The following ZNF541 variants were observed in gnomAD, a reference collection of about 807,000 sequenced individuals.
The protein encoded by ZNF541 is zinc finger protein 541.
In ZNF541, 23 loss-of-function variants were observed where a neutral mutation model predicts 123.5. That is an observed-to-expected ratio of 0.19 (90% CI 0.13 to 0.26). The LOEUF (loss-of-function observed/expected upper bound fraction) is 0.26, where lower values mean the gene tolerates loss of function less well. ZNF541 is among the 10% of genes least tolerant of loss of function. ZNF541 has a pLI of 1.00. For missense variants in ZNF541, 1,612 were observed against 1,789.9 expected, an observed-to-expected ratio of 0.90 and a Z score of 1.79; for synonymous variants, 751 against 754.5, an observed-to-expected ratio of 1.00 and a Z score of 0.08.
At chr19:47,535,242 C>T (rs1032818159) in intron 9 of ZNF541, among the ~76,000 whole-genome samples, 8 of 152,086 alleles carry the variant, frequency 5.3e-5, no homozygotes, top group South Asian at 4.1e-4. Context: ...CGTGAGCCAC[C>T]GCACCTGGAC....
chr19:47,531,983 G>T, intron 11 of ZNF541, 145 bp downstream of exon 11: 2 of 1,164,020 alleles, frequency 1.7e-6, no homozygotes, highest in Non-Finnish European at 2.4e-6. Flanking sequence ...AAGAAGCAAC[G>T]CTGGCCAAGA....
intron 7 of ZNF541, 70 bp downstream of exon 7, chr19:47,540,106 A>C (rs1970013331): frequency 6.7e-7 from 1 of 1,487,776 alleles, no homozygotes; most frequent in East Asian, 2.5e-5. Flanking sequence ...AAGTGACACC[A>C]ATCTCGTTTA....
At chr19:47,533,080 A>C in intron 9 of ZNF541, 108 bp from the exon 10 acceptor site, 2 of 1,078,872 alleles carry the variant, frequency 1.9e-6, no homozygotes, top group Non-Finnish European at 2.6e-6. Context: ...TTAAGATCCC[A>C]TGGGTTGGCC....
chr19:47,553,814 A>G (rs1298696987), intron 3 of ZNF541, among the ~76,000 whole-genome samples: 2 of 152,234 alleles, frequency 1.3e-5, no homozygotes, highest in East Asian at 3.8e-4. Context: ...TACTAGGATT[A>G]TAGGCATGAG....
chr19:47,546,206 T>TAAA (rs113946046), intron 4 of ZNF541, among the ~76,000 whole-genome samples: 14,353 of 125,586 alleles, frequency 0.11, 1,471 homozygotes, highest in African/African-American at 0.27. Flanking sequence ...TACAGAAAAG[T>TAAA]AAAAAAAAAA....
intron 14 of ZNF541, among the ~76,000 whole-genome samples, chr19:47,528,508 G>C (rs1013411988): frequency 6.6e-6 from 1 of 151,556 alleles, no homozygotes; most frequent in African/African-American, 2.4e-5. Context: ...GTAGAGACAG[G>C]GTTTCACCAT....
chr19:47,533,017 TAAC>T, intron 9 of ZNF541, 45 bp from the exon 10 acceptor site: 1 of 1,526,722 alleles, frequency 6.5e-7, no homozygotes, highest in Non-Finnish European at 8.8e-7. Flanking sequence ...AGACAGCAGG[TAAC>T]CGACAGGGTC....
At chr19:47,555,113 TA>T (rs1035997580) in intron 3 of ZNF541, among the ~76,000 whole-genome samples, 1 of 149,310 alleles carries the variant, frequency 6.7e-6, no homozygotes, top group African/African-American at 2.5e-5. Flanking sequence ...CTCATGCCTG[TA>T]ATCCCAGCAC....
At chr19:47,567,857 CCTCCACTATAGAGAACA>C (rs1278594015) in intron 2 of ZNF541, among the ~76,000 whole-genome samples, 1 of 152,170 alleles carries the variant, frequency 6.6e-6, no homozygotes, top group Non-Finnish European at 1.5e-5. Flanking sequence ...TTAAATGTCA[CCTCCACTATAGAGAACA>C]CTTCCAACAT....
chr19:47,536,183 C>A (rs190102643), intron 9 of ZNF541, among the ~76,000 whole-genome samples: 1 of 152,272 alleles, frequency 6.6e-6, no homozygotes, highest in East Asian at 1.9e-4. Flanking sequence ...GTGTTCCTTG[C>A]CCTCATTCCG....
At chr19:47,538,746 G>A (rs1285791469) in intron 8 of ZNF541, among the ~76,000 whole-genome samples, 3 of 152,152 alleles carry the variant, frequency 2.0e-5, no homozygotes, top group Non-Finnish European at 2.9e-5. Flanking sequence ...CAGTGTGACG[G>A]TGAAGAAAGA....
At chr19:47,553,111 AAAAT>A (rs926219889) in intron 3 of ZNF541, among the ~76,000 whole-genome samples, 5 of 152,082 alleles carry the variant, frequency 3.3e-5, no homozygotes, top group African/African-American at 1.2e-4. Context: ...CCGTCTCAAA[AAAAT>A]AAATAAATAA....
intron 2 of ZNF541, among the ~76,000 whole-genome samples, chr19:47,570,405 C>T (rs910834251): frequency 1.3e-5 from 2 of 151,554 alleles, no homozygotes; most frequent in Non-Finnish European, 1.5e-5. Context: ...GGTGAAAACC[C>T]GTCTCTACTA....
rs780142463 is a variant in ZNF541 at position 47,528,941 on chromosome 19, T to A, written c.3570+9A>T. ...CAGGGCCTTGGACACCAGCCCACAT[T>A]CACTTTACCATCTTGTGTATCAAGT... On this transcript the variant is annotated intron_variant, in intron 14 of 16. Coordinates refer to ENST00000391901, the MANE Select transcript of ZNF541 (RefSeq NM_001277075.3). 1 of 1,549,460 alleles carries A rather than the reference T, an allele frequency of 6.5e-7. No individual in the cohort carries two copies. The highest frequency in any genetic ancestry group is 8.7e-7 in the Non-Finnish European group (1 of 1,145,062).
Position 47,532,232 on chromosome 19 carries a change from G to A in ZNF541, c.3197C>T (p.Pro1066Leu). ...NIGSRFQAEI[P>L]ELQERSLAGT... ...AGCCAGGGATCTCTCCTGGAGTTCC[G>A]GGATCTCTGCCTGAAACCGGCTTCC... The change falls in exon 11 of 17, where the codon CCG (proline) becomes CTG (leucine). Residue 1066 changes from proline to leucine, a missense_variant. This residue lies in a region of ZNF541 where 285 missense variants were observed against 407.3 expected (regional missense o/e 0.70). Transcript: ENST00000391901. The A allele has an allele frequency of 2.6e-6, 4 of 1,551,898 alleles. No individual in the cohort carries two copies. Among genetic ancestry groups the A allele is most frequent in the Non-Finnish European group, 3.5e-6 (4 of 1,147,048 alleles).
At position 47,555,686 on chromosome 19, in the gene ZNF541, G is replaced by C. The variant is rs1024039932; in HGVS notation, c.171C>G (p.Ser57Arg). The change falls in exon 3 of 17, where the codon AGC becomes AGG. Residue 57 changes from serine to arginine, a missense_variant. Transcript: ENST00000391901. The part of the protein sequence containing the change: ...AGLSGLDPDP[S>R]LPTPDMSSEV... The stretch of plus-strand genomic sequence containing the variant: ...CGCTGGACATGTCAGGCGTTGGGAG[G>C]CTGGGGTCCGGGTCCAGACCACTCA... 6.4e-7 allele frequency: 1 copy of C among 1,551,770 alleles called. No individual in the cohort carries two copies. The highest frequency in any genetic ancestry group is 2.0e-5 in the Admixed American group (1 of 50,998).
chr19:47,565,867 AT>A (rs202209595), intron 2 of ZNF541, among the ~76,000 whole-genome samples: 2,713 of 151,992 alleles, frequency 0.018, 91 homozygotes, highest in African/African-American at 0.062. Context: ...AGCAATTTTA[AT>A]TTTTTTTCTT....
chr19:47,561,391 T>G (rs1352681122), intron 2 of ZNF541, among the ~76,000 whole-genome samples: 1 of 152,038 alleles, frequency 6.6e-6, no homozygotes, highest in Non-Finnish European at 1.5e-5. Context: ...TGAGCTATGA[T>G]TGCGCCACTG....
At chr19:47,546,811 C>T (rs992744193) in intron 4 of ZNF541, among the ~76,000 whole-genome samples, 1 of 152,154 alleles carries the variant, frequency 6.6e-6, no homozygotes. Context: ...AACTCTGCCC[C>T]CCAGGTTCAA....
Sources: allele counts gnomAD v4.1 joint callset (sites outside exome capture counted in the v4.1 genomes callset), GRCh38; gene constraint gnomAD v4.1.1; regional missense constraint gnomAD v4.1.1; transcripts MANE v1.5; gene names NCBI Gene and HGNC (gene_info 2026-07-23, HGNC 2026-07-21).